Variants in DCBLD2 observed in about 807,000 individuals in gnomAD.
DCBLD2 encodes discoidin, CUB and LCCL domain containing 2.
In DCBLD2, 54 loss-of-function variants were observed where a neutral mutation model predicts 86.8. The observed-to-expected ratio is 0.62, with a 90% confidence interval of 0.50 to 0.78. DCBLD2 has a LOEUF of 0.78. Ranked by LOEUF, DCBLD2 falls within the 30% of genes least tolerant of loss-of-function variation. The pLI is 0.00. For missense variants in DCBLD2, 908 were observed against 954.2 expected (o/e 0.95, Z 0.64); for synonymous variants, 354 against 341.3 (o/e 1.04, Z -0.41).
At chr3:98,880,480 C>T (rs1215677440) in intron 2 of DCBLD2, among the ~76,000 whole-genome samples, 6 of 152,126 alleles carry the variant, frequency 3.9e-5, no homozygotes, top group African/African-American at 7.2e-5. Context: ...GGTTTTTAAA[C>T]GTGACTGCAA....
At chr3:98,876,153 T>C (rs997248066) in intron 2 of DCBLD2, among the ~76,000 whole-genome samples, 3 of 151,870 alleles carry the variant, frequency 2.0e-5, no homozygotes, top group Non-Finnish European at 4.4e-5. Flanking sequence ...TTGTAGCATA[T>C]ACCACTATTA....
chr3:98,886,808 CCTT>C (rs1169924936), intron 1 of DCBLD2, among the ~76,000 whole-genome samples: 108 of 125,322 alleles, frequency 8.6e-4, no homozygotes, highest in African/African-American at 2.2e-3. Flanking sequence ...AAACCCCCCC[CCTT>C]TTTTTTTTTT....
In DCBLD2 at chr3:98,799,238, A is replaced by T; in HGVS notation, c.*134T>A. On this transcript the variant is annotated 3_prime_UTR_variant, in exon 16 of 16. Coordinates refer to ENST00000326840, the MANE Select transcript of DCBLD2 (RefSeq NM_080927.4). ...GATGGCAAGATTAGTAGTTTCCTGT[A>T]CCTCAGTCACCACATTTTCCCCAAC... The T allele has an allele frequency of 1.1e-6, 1 of 924,886 alleles. No homozygotes were observed. The highest frequency in any genetic ancestry group is 1.6e-6 in the Non-Finnish European group (1 of 627,376). The allele number at this position is 924,886 out of a possible 1,614,324, so 57.3% of individuals were successfully genotyped here.
intron 2 of DCBLD2, among the ~76,000 whole-genome samples, chr3:98,863,523 C>G (rs547546416): frequency 6.6e-6 from 1 of 152,236 alleles, no homozygotes; most frequent in East Asian, 1.9e-4. Context: ...AGATATAGAC[C>G]AATGGAACAG....
rs539605669 is a variant in DCBLD2, at chr3:98,846,986, CTT to C, written c.571+2473_571+2474del. ...AATAATTTAACCTGATATTAAGAAACTTAATGAAAATAAGAAGCAAATTAACT... is the reference window on the plus strand; with the variant it reads ...AATAATTTAACCTGATATTAAGAAACAATGAAAATAAGAAGCAAATTAACT... On this transcript the variant is annotated intron_variant, in intron 3 of 15. Coordinates refer to ENST00000326840, the MANE Select transcript of DCBLD2 (RefSeq NM_080927.4). Among the ~76,000 whole-genome samples, 611 of 152,130 alleles carry C rather than the reference CTT, an allele frequency of 4.0e-3. 2 individuals carry two copies. Among genetic ancestry groups the C allele is most frequent in the Non-Finnish European group, 6.6e-3 (450 of 67,994 alleles).
At chr3:98,869,281 T>C (rs1943216501) in intron 2 of DCBLD2, among the ~76,000 whole-genome samples, 3 of 152,200 alleles carry the variant, frequency 2.0e-5, no homozygotes, top group Admixed American at 6.5e-5. Flanking sequence ...ATGTTGTTTG[T>C]CTACTTTTTA....
intron 7 of DCBLD2, 30 bp from the exon 8 acceptor site, chr3:98,819,447 T>G: frequency 6.2e-7 from 1 of 1,612,516 alleles, no homozygotes. Context: ...AAATTTGGTT[T>G]CCAGGTATAA....
intron 7 of DCBLD2, among the ~76,000 whole-genome samples, chr3:98,819,660 C>A (rs1942083477): frequency 6.6e-6 from 1 of 152,124 alleles, no homozygotes; most frequent in Admixed American, 6.5e-5. Context: ...GATACATTAT[C>A]TTCTCCCTGG....
intron 2 of DCBLD2, among the ~76,000 whole-genome samples, chr3:98,870,753 G>GAAAGAAAAGAAAGAAAGAAAGAA (rs1553731671): frequency 8.0e-6 from 1 of 125,734 alleles, no homozygotes; most frequent in African/African-American, 3.4e-5. Context: ...AAGAAAGAAA[G>GAAAGAAAAGAAAGAAAGAAAGAA]AAAGAAAGAA....
intron 2 of DCBLD2, among the ~76,000 whole-genome samples, chr3:98,876,658 ATAATT>A (rs1280225573): frequency 6.6e-6 from 1 of 152,178 alleles, no homozygotes. Flanking sequence ...AACAAAGTAT[ATAATT>A]TACCTTTTGA....
chr3:98,835,696 C>T (rs1241782928), intron 3 of DCBLD2, among the ~76,000 whole-genome samples: 1 of 147,968 alleles, frequency 6.8e-6, no homozygotes, highest in Admixed American at 6.7e-5. Flanking sequence ...ACTACAGGCA[C>T]GTGCCACCAT....
chr3:98,839,905 A>T (rs1175715976), intron 3 of DCBLD2, among the ~76,000 whole-genome samples: 1 of 152,238 alleles, frequency 6.6e-6, no homozygotes. Context: ...ACATTTAAGT[A>T]AAACTCTTAA....
chr3:98,839,709 T>C (rs987841565), intron 3 of DCBLD2, among the ~76,000 whole-genome samples: 1 of 152,142 alleles, frequency 6.6e-6, no homozygotes, highest in Admixed American at 6.5e-5. Context: ...AGATAAAAAT[T>C]CCTTCGTATA....
At chr3:98,867,534 A>G (rs1222337442) in intron 2 of DCBLD2, among the ~76,000 whole-genome samples, 2 of 152,220 alleles carry the variant, frequency 1.3e-5, no homozygotes, top group Non-Finnish European at 2.9e-5. Context: ...TTTTCTAGAA[A>G]TAAAGGAAGA....
intron 3 of DCBLD2, among the ~76,000 whole-genome samples, chr3:98,837,507 G>A (rs1262135997): frequency 3.9e-4 from 10 of 25,784 alleles, no homozygotes; most frequent in African/African-American, 1.2e-3. Flanking sequence ...GCGGCTGGCC[G>A]GGCGGGGGGC....
intron 2 of DCBLD2, among the ~76,000 whole-genome samples, chr3:98,860,653 A>G (rs551159456): frequency 6.6e-6 from 1 of 152,310 alleles, no homozygotes; most frequent in Admixed American, 6.5e-5. Flanking sequence ...GAAATAAAAT[A>G]CTTTACAGAC....
chr3:98,802,929 T>C lies in DCBLD2; in HGVS notation c.1671-1280A>G, dbSNP rs538632401. Among the ~76,000 whole-genome samples the C allele has an allele frequency of 3.3e-5, 5 of 152,230 alleles. No individual in the cohort carries two copies. In the South Asian group the frequency reaches 6.2e-4, roughly 19 times the overall value. ...CTATATCTCTGTTTTGGTCCCAGTA[T>C]CATGCTGTTTTGGTTACTGTAGCCT... On this transcript the variant is annotated intron_variant, in intron 13 of 15. Transcript: ENST00000326840.
At chr3:98,835,711 G>C (rs1369152759) in intron 3 of DCBLD2, among the ~76,000 whole-genome samples, 2 of 148,238 alleles carry the variant, frequency 1.3e-5, no homozygotes, top group Non-Finnish European at 3.0e-5. Flanking sequence ...CACCATGCCT[G>C]GCTAATTTTT....
At chr3:98,819,526 T>A in intron 7 of DCBLD2, 109 bp from the exon 8 acceptor site, 1 of 1,089,302 alleles carries the variant, frequency 9.2e-7, no homozygotes, top group Non-Finnish European at 1.3e-6. Context: ...TACACTACAC[T>A]AATAATACAC....
Sources: gnomAD v4.1 joint callset for allele counts (sites outside exome capture counted in the v4.1 genomes callset) on GRCh38, gnomAD v4.1.1 for gene constraint, MANE v1.5 for transcripts, NCBI Gene and HGNC (gene_info 2026-07-23, HGNC 2026-07-21) for gene names.